Variants in CLTCL1 observed in about 807,000 individuals in gnomAD.
CLTCL1 encodes the protein clathrin heavy chain 2.
Under a neutral mutation model 190.0 loss-of-function variants are expected in CLTCL1, and 159 were observed. The ratio of observed to expected loss-of-function variants is 0.84; its 90% CI spans 0.74 to 0.95. CLTCL1 has a LOEUF of 0.95. CLTCL1 is among the 40% of genes least tolerant of loss of function. The pLI is 0.00. For synonymous variants in CLTCL1, 752 were observed against 769.6 expected (o/e 0.98, Z 0.38); for missense variants, 1,878 against 2,033.4 (o/e 0.92, Z 1.47).
intron 2 of CLTCL1, among the ~76,000 whole-genome samples, chr22:19,266,659 G>C (rs1426160163): frequency 6.6e-6 from 1 of 152,046 alleles, no homozygotes; most frequent in East Asian, 1.9e-4. Flanking sequence ...AAAACCCTTA[G>C]AATATTAGTG....
chr22:19,283,876 C>T (rs1555988550), intron 1 of CLTCL1, among the ~76,000 whole-genome samples: 1 of 151,622 alleles, frequency 6.6e-6, no homozygotes, highest in Non-Finnish European at 1.5e-5. Context: ...CCTGTGGTCC[C>T]AGCTACTCAG....
intron 18 of CLTCL1, among the ~76,000 whole-genome samples, chr22:19,218,628 T>C (rs1315579194): frequency 6.6e-6 from 1 of 152,190 alleles, no homozygotes; most frequent in Non-Finnish European, 1.5e-5. Context: ...TGAAGCCACT[T>C]GTTGGACGAG....
Position 19,199,739 on chromosome 22 carries a change from A to G in CLTCL1, c.3868T>C (p.Tyr1290His). ...AGCAGAGATCATCTGGTCACCTGGT[A>G]ATAGCACATCAGCTCCTCCAGCTCA... ...ADELEELMCY[Y>H]QDRGYFEELI... The change falls in exon 24 of 33, where the codon TAC (tyrosine) becomes CAC (histidine). Residue 1290 changes from tyrosine to histidine, a missense_variant. Coordinates refer to ENST00000427926, the MANE Select transcript of CLTCL1 (RefSeq NM_007098.4). The G allele has an allele frequency of 6.3e-7, 1 of 1,583,850 alleles. No homozygotes were observed. The highest frequency in any genetic ancestry group is 8.6e-7 in the Non-Finnish European group (1 of 1,164,740).
intron 3 of CLTCL1, among the ~76,000 whole-genome samples, chr22:19,244,175 C>T (rs1056792492): frequency 2.6e-5 from 4 of 152,304 alleles, no homozygotes; most frequent in Non-Finnish European, 4.4e-5. Flanking sequence ...GTCTATTCCT[C>T]ACTCACTCAC....
intron 2 of CLTCL1, chr22:19,258,649 C>T (rs1051584878): frequency 4.1e-5 from 26 of 634,966 alleles, no homozygotes; most frequent in Non-Finnish European, 7.0e-5. Context: ...GAGATCACCA[C>T]CTACCACCGC....
At chr22:19,202,393 A>AAAC in intron 22 of CLTCL1, among the ~76,000 whole-genome samples, 1 of 32,252 alleles carries the variant, frequency 3.1e-5, no homozygotes, top group African/African-American at 1.3e-4. Flanking sequence ...TCCCGCACCA[A>AAAC]CCCTCCTTCC....
intron 14 of CLTCL1, 26 bp downstream of exon 14, chr22:19,223,865 T>C (rs1367523698): frequency 6.2e-7 from 1 of 1,612,210 alleles, no homozygotes; most frequent in Non-Finnish European, 8.5e-7. Flanking sequence ...GGGCAGCTCA[T>C]GGAAGGAGGC....
At chr22:19,232,081 G>C (rs1452358544) in intron 10 of CLTCL1, among the ~76,000 whole-genome samples, 2 of 152,140 alleles carry the variant, frequency 1.3e-5, no homozygotes, top group Non-Finnish European at 2.9e-5. Flanking sequence ...AGGTCAGTCA[G>C]ACACCCACAG....
chr22:19,234,674 A>G lies in CLTCL1; in HGVS notation c.1002T>C (p.Ile334=). The change falls in exon 7 of 33, where the codon ATT becomes ATC. Residue 334 remains isoleucine (I), a synonymous_variant. Coordinates refer to ENST00000427926, the MANE Select transcript of CLTCL1 (RefSeq NM_007098.4). Reference sequence around the variant, plus strand: ...GAAGCACGTTGGTTGCATAATTCACAATGTTATCTTCCTCAACACAAACTG... The same window carrying G: ...GAAGCACGTTGGTTGCATAATTCACGATGTTATCTTCCTCAACACAAACTG... The part of the protein sequence containing the change: ...VLSVCVEEDN[I]VNYATNVLQN... 6.2e-7 allele frequency: 1 copy of G among 1,614,008 alleles called. No individual in the cohort carries two copies. The highest frequency in any genetic ancestry group is 1.1e-5 in the South Asian group (1 of 91,088).
Position 19,180,816 on chromosome 22 carries a change from G to C in CLTCL1, c.4828-10C>G, listed in dbSNP as rs1248240453. The C allele has an allele frequency of 3.1e-6, 5 of 1,613,534 alleles. No homozygotes were observed. In the African/African-American group the frequency reaches 4.0e-5, roughly 13 times the overall value. ...CATCCAGTTTGTCCACCTGCAAGGAGGCAAAAGCACGTGAGCACCCGCTTG... is the reference window on the plus strand; with the variant it reads ...CATCCAGTTTGTCCACCTGCAAGGACGCAAAAGCACGTGAGCACCCGCTTG... On this transcript the variant is annotated splice_polypyrimidine_tract_variant and intron_variant, in intron 30 of 32. Transcript: ENST00000427926.
At chr22:19,226,184 C>G in intron 12 of CLTCL1, 35 bp downstream of exon 12, 1 of 1,601,594 alleles carries the variant, frequency 6.2e-7, no homozygotes, top group Non-Finnish European at 8.5e-7. Flanking sequence ...GCATAGACAA[C>G]AGCCATAATA....
At chr22:19,194,397 G>A (rs899509788) in intron 26 of CLTCL1, among the ~76,000 whole-genome samples, 7 of 152,168 alleles carry the variant, frequency 4.6e-5, no homozygotes, top group Admixed American at 2.6e-4. Context: ...CAGGAGAATC[G>A]CTCGAGGCTG....
At chr22:19,196,733 C>T (rs2282684) in intron 24 of CLTCL1, 77 bp from the exon 25 acceptor site, 628,905 of 1,487,966 alleles carry the variant, frequency 0.42, 136,820 homozygotes, top group South Asian at 0.55. Context: ...ATGCCCACGC[C>T]GCAGGGACTG....
intron 22 of CLTCL1, among the ~76,000 whole-genome samples, chr22:19,205,486 G>A (rs2085022064): frequency 6.6e-6 from 1 of 152,166 alleles, no homozygotes; most frequent in Non-Finnish European, 1.5e-5. Context: ...CTGTAGCCTG[G>A]GTGACAGAGG....
intron 1 of CLTCL1, among the ~76,000 whole-genome samples, chr22:19,276,546 GA>G (rs1365489207): frequency 3.3e-5 from 5 of 152,104 alleles, no homozygotes; most frequent in Non-Finnish European, 7.3e-5. Flanking sequence ...AAGCTTCAGT[GA>G]AAAACTCTGG....
chr22:19,282,221 C>T (rs940096940), intron 1 of CLTCL1, among the ~76,000 whole-genome samples: 11 of 151,184 alleles, frequency 7.3e-5, no homozygotes, highest in Admixed American at 2.0e-4. Flanking sequence ...CTCAGCTACT[C>T]GGGAGGCTGA....
At chr22:19,235,931 G>C (rs1291271986) in intron 5 of CLTCL1, 62 bp from the exon 6 acceptor site, 21 of 1,390,284 alleles carry the variant, frequency 1.5e-5, no homozygotes, top group African/African-American at 2.9e-5. Context: ...CGGGTAAAAA[G>C]AGCTCACAAA....
intron 3 of CLTCL1, among the ~76,000 whole-genome samples, chr22:19,247,535 TTTGTTG>T (rs1320308600): frequency 8.5e-5 from 13 of 152,262 alleles, no homozygotes; most frequent in Admixed American, 7.9e-4. Flanking sequence ...GAGTTTTTAT[TTTGTTG>T]TTGTTGTTGT....
At position 19,291,704 on chromosome 22, in the gene CLTCL1, C is replaced by A; in HGVS notation, c.-63G>T. 1 of 1,302,740 alleles carries A rather than the reference C, an allele frequency of 7.7e-7. No homozygotes were observed. The highest frequency in any genetic ancestry group is 9.8e-7 in the Non-Finnish European group (1 of 1,017,828). 80.7% of individuals were successfully genotyped at this position (1,302,740 alleles called of 1,614,324 possible). On this transcript the variant is annotated 5_prime_UTR_variant, in exon 1 of 33. Coordinates refer to ENST00000427926, the MANE Select transcript of CLTCL1 (RefSeq NM_007098.4). Reference sequence around the variant, plus strand: ...CAGGAATGAACGCCGACCCCTCGCGCGGGCTGACCGGTGGCGACGGCGCAG... The same window carrying A: ...CAGGAATGAACGCCGACCCCTCGCGAGGGCTGACCGGTGGCGACGGCGCAG...
Sources: gnomAD v4.1 joint callset for allele counts (sites outside exome capture counted in the v4.1 genomes callset) on GRCh38, gnomAD v4.1.1 for gene constraint, MANE v1.5 for transcripts, NCBI Gene and HGNC (gene_info 2026-07-23, HGNC 2026-07-21) for gene names.